Variants in NUP160 observed in about 807,000 individuals in gnomAD.
The protein encoded by NUP160 is nuclear pore complex protein Nup160.
A neutral mutation model predicts 196.9 loss-of-function variants in NUP160; 94 were observed. The observed-to-expected ratio is 0.48, with a 90% CI of 0.40 to 0.57. The LOEUF is 0.57. Ranked by LOEUF, NUP160 falls within the 20% of genes least tolerant of loss-of-function variation. The probability of loss-of-function intolerance (pLI) is 0.00; values close to 1 mark genes in which losing one functional copy is unlikely to be tolerated. For synonymous variants in NUP160, 605 were observed against 619.7 expected, an observed-to-expected ratio of 0.98 and a Z score of 0.35; for missense variants, 1,638 against 1,748.3, an observed-to-expected ratio of 0.94 and a Z score of 1.13.
intron 33 of NUP160, among the ~76,000 whole-genome samples, chr11:47,783,668 A>G (rs143666211): frequency 2.4e-4 from 36 of 152,274 alleles, no homozygotes; most frequent in East Asian, 2.3e-3. Context: ...CATGCTTTCT[A>G]TATTCCCATT....
intron 22 of NUP160, 36 bp downstream of exon 22, chr11:47,803,401 GT>G: frequency 3.1e-6 from 4 of 1,285,612 alleles, no homozygotes; most frequent in Non-Finnish European, 3.4e-6. Context: ...TTGCGTTAAA[GT>G]TTATAAAGTT....
chr11:47,811,752 G>GT (rs547457200), intron 17 of NUP160, among the ~76,000 whole-genome samples: 370 of 152,180 alleles, frequency 2.4e-3, no homozygotes, highest in Middle Eastern at 0.014. Flanking sequence ...TGCCATGATG[G>GT]TTTGCTGCAC....
In NUP160 at chr11:47,784,033, A is replaced by ACAAAAC. The variant is rs1230341224; in HGVS notation, c.3991-836_3991-835insGTTTTG. ...AAAAAAAAACAAAAACAAAAACAAA[A>ACAAAAC]AAAACAAAACAAAACAAAACAAAAA... On this transcript the variant is annotated intron_variant, in intron 33 of 35. Transcript: ENST00000378460. Among the ~76,000 whole-genome samples, 6 of 151,966 alleles carry ACAAAAC rather than the reference A, an allele frequency of 3.9e-5. 1 individual carries two copies. Among genetic ancestry groups the ACAAAAC allele is most frequent in the African/African-American group, 2.4e-5 (1 of 41,422 alleles).
Position 47,840,166 on chromosome 11 carries a change from C to T in NUP160, c.526-101G>A, listed in dbSNP as rs1242518568. 1.2e-5 allele frequency: 11 copies of T among 927,178 alleles called. No individual in the cohort carries two copies. In the Admixed American group the frequency reaches 2.6e-4, roughly 22 times the overall value. The allele number at this position is 927,178 out of a possible 1,614,324, so 57.4% of individuals were successfully genotyped here. A position where few individuals can be genotyped will look rare whatever the true frequency, so the allele number is the denominator to read the frequency against. On this transcript the variant is annotated intron_variant, in intron 3 of 35. Transcript: ENST00000378460. Reference sequence around the variant, plus strand: ...AAAAGTTTTTAAAGTAAAAAACTGTCAAGTTTAAGAAAGCTATTCTTCTTA... The same window carrying T: ...AAAAGTTTTTAAAGTAAAAAACTGTTAAGTTTAAGAAAGCTATTCTTCTTA...
rs747659538 is a variant in NUP160, at chr11:47,815,810, T to C, written c.1515+136A>G. 1.8e-4 allele frequency: 161 copies of C among 907,920 alleles called. 1 individual carries two copies. The highest frequency in any genetic ancestry group is 4.4e-4 in the Middle Eastern group (2 of 4,528). The allele number at this position is 907,920 out of a possible 1,614,324, so 56.2% of individuals were successfully genotyped here. ...CTATGCAAATGTGTATCTGATTCTC[T>C]AGTTAAAAGGTTTAAACATTTATAT... On this transcript the variant is annotated intron_variant, in intron 12 of 35. Transcript: ENST00000378460.
chr11:47,780,526 T>A, intron 34 of NUP160, 79 bp from the exon 35 acceptor site: 1 of 797,206 alleles, frequency 1.3e-6, no homozygotes, highest in Non-Finnish European at 2.0e-6. Context: ...TAGGACTCTG[T>A]AGAATAAAAT....
At chr11:47,823,168 C>T (rs1430674848) in intron 7 of NUP160, among the ~76,000 whole-genome samples, 1 of 152,118 alleles carries the variant, frequency 6.6e-6, no homozygotes, top group Admixed American at 6.6e-5. Flanking sequence ...TTCTTTTTCA[C>T]CCACACAGGC....
chr11:47,819,593 C>T (rs1187233782), intron 9 of NUP160, 135 bp from the exon 10 acceptor site: 1 of 491,188 alleles, frequency 2.0e-6, no homozygotes, highest in Non-Finnish European at 3.7e-6. Flanking sequence ...CTATTAAAAA[C>T]ATTTTTTTTT....
chr11:47,805,223 A>G (rs1225067718), intron 20 of NUP160, among the ~76,000 whole-genome samples: 1 of 151,772 alleles, frequency 6.6e-6, no homozygotes, highest in Non-Finnish European at 1.5e-5. Flanking sequence ...TCTGCCTCCA[A>G]GGTTCAAGTG....
chr11:47,812,664 G>A (rs929638904), intron 15 of NUP160, among the ~76,000 whole-genome samples: 2 of 152,032 alleles, frequency 1.3e-5, no homozygotes, highest in African/African-American at 4.8e-5. Flanking sequence ...TTTTTAGCTC[G>A]GTTAATTGTT....
intron 27 of NUP160, among the ~76,000 whole-genome samples, chr11:47,793,841 A>C (rs558562077): frequency 6.9e-6 from 1 of 144,922 alleles, no homozygotes; most frequent in East Asian, 2.1e-4. Flanking sequence ...CCTGGGTTCA[A>C]GCGATTCTCC....
intron 4 of NUP160, chr11:47,839,634 C>T (rs1599348790): frequency 3.5e-6 from 2 of 574,574 alleles, no homozygotes; most frequent in East Asian, 2.9e-5. Context: ...TTATACTTGT[C>T]TATTTGTTTT....
chr11:47,788,618 A>G lies in NUP160; in HGVS notation c.3512-7T>C, dbSNP rs1345712812. On this transcript the variant is annotated splice_polypyrimidine_tract_variant and splice_region_variant and intron_variant, in intron 29 of 35. Transcript: ENST00000378460. ...ATTTCAATTTGTCGATTTGCTATAC[A>G]TCAAAGAAAAATATTTTGAACTCCC... The G allele has an allele frequency of 3.1e-6, 5 of 1,588,706 alleles. No individual in the cohort carries two copies. The African/African-American group carries it at 5.4e-5, about 17-fold the overall frequency.
At chr11:47,797,845 G>A in exon 27 of NUP160, 1 of 1,612,754 alleles carries the variant, frequency 6.2e-7, no homozygotes. Context: ...TGAGTCATAA[G>A]GTCCACAGCT....
chr11:47,815,665 T>C lies in NUP160; in HGVS notation c.1516-16A>G. 3.2e-6 allele frequency: 5 copies of C among 1,563,152 alleles called. No individual in the cohort carries two copies. Among genetic ancestry groups the C allele is most frequent in the South Asian group, 1.2e-5 (1 of 82,224 alleles). On this transcript the variant is annotated splice_polypyrimidine_tract_variant and intron_variant, in intron 12 of 35. Coordinates refer to ENST00000378460, the Ensembl canonical transcript of NUP160. ...TTCCTTGAAGCTGGCAAAGAAGAAA[T>C]GAAAGAAATTAAACTTTTGATGCCA... is the stretch of plus-strand genomic sequence containing the variant.
At chr11:47,817,604 C>T (rs749418567) in intron 11 of NUP160, among the ~76,000 whole-genome samples, 1 of 152,122 alleles carries the variant, frequency 6.6e-6, no homozygotes, top group East Asian at 1.9e-4. Flanking sequence ...CTCAGCCTCC[C>T]GAAGTGCTGG....
At chr11:47,796,521 A>AGGGGGAAGAAAGGAAAG in intron 27 of NUP160, 1 of 260,160 alleles carries the variant, frequency 3.8e-6, no homozygotes, top group Non-Finnish European at 7.3e-6. Flanking sequence ...AGAGGAAGGA[A>AGGGGGAAGAAAGGAAAG]GGGGGAAGAA....
chr11:47,847,139 G>C (rs765059483), intron 2 of NUP160, among the ~76,000 whole-genome samples: 4 of 152,158 alleles, frequency 2.6e-5, no homozygotes, highest in African/African-American at 9.6e-5. Flanking sequence ...AAGCCACACA[G>C]ATCTTTGGTC....
At chr11:47,807,259 C>A in intron 18 of NUP160, 119 bp from the exon 19 acceptor site, 1 of 641,510 alleles carries the variant, frequency 1.6e-6, no homozygotes, top group Non-Finnish European at 2.7e-6. Context: ...AAAAGCTCCA[C>A]TGAAAGCACA....
Sources: gnomAD v4.1 joint callset for allele counts (sites outside exome capture counted in the v4.1 genomes callset) on GRCh38, gnomAD v4.1.1 for gene constraint, MANE v1.5 for transcripts, NCBI Gene and HGNC (gene_info 2026-07-23, HGNC 2026-07-21) for gene names.